The following PREX2 variants were observed in gnomAD, a reference collection of about 807,000 sequenced individuals.
The protein encoded by PREX2 is phosphatidylinositol 3,4,5-trisphosphate-dependent Rac exchanger 2 protein.
Under a neutral mutation model 203.2 loss-of-function variants are expected in PREX2, and 107 were observed. That is an observed-to-expected ratio of 0.53 (90% CI 0.45 to 0.62). PREX2 has a LOEUF of 0.62. Among genes scored for constraint, PREX2 ranks in the 20% least tolerant of loss-of-function variants. The pLI is 0.00. For synonymous variants in PREX2, 672 were observed against 663.6 expected (o/e 1.01, Z -0.19); for missense variants, 1,777 against 1,955.9 (o/e 0.91, Z 1.72).
Position 68,090,661 on chromosome 8 carries a change from T to A in PREX2, c.2196T>A (p.His732Gln). The A allele has an allele frequency of 6.2e-7, 1 of 1,613,946 alleles. No individual in the cohort carries two copies. The highest frequency in any genetic ancestry group is 8.5e-7 in the Non-Finnish European group (1 of 1,179,860). The change falls in exon 20 of 40, where the codon CAT (histidine) becomes CAA (glutamine). Residue 732 changes from histidine (H) to glutamine (Q), a missense_variant. By Grantham distance (24) the His-to-Gln change is conservative. Transcript: ENST00000288368. ...GAATCAATGTCAGCAAAGAGACACATGCCAGTGTCATTGCACACGTTACAG... is the reference window on the plus strand; with the variant it reads ...GAATCAATGTCAGCAAAGAGACACAAGCCAGTGTCATTGCACACGTTACAG... ...VNGINVSKET[H>Q]ASVIAHVTAC...
chr8:68,218,064 C>T (rs182579027), intron 38 of PREX2, among the ~76,000 whole-genome samples: 1 of 138,358 alleles, frequency 7.2e-6, no homozygotes, highest in Admixed American at 7.5e-5. Flanking sequence ...AGTGGTAAAG[C>T]TTGGGACGGA....
intron 26 of PREX2, among the ~76,000 whole-genome samples, chr8:68,116,197 G>A (rs1263563628): frequency 6.6e-6 from 1 of 152,170 alleles, no homozygotes; most frequent in African/African-American, 2.4e-5. Context: ...TCTGTATATG[G>A]ATTGTGTAAC....
intron 35 of PREX2, chr8:68,176,992 A>T (rs1811993090): frequency 6.6e-6 from 1 of 152,646 alleles, no homozygotes; most frequent in Admixed American, 6.6e-5. Context: ...ATCCAGAAGA[A>T]TGTACAGCTT....
At chr8:68,105,792 C>T (rs1810394814) in intron 23 of PREX2, 1 of 164,110 alleles carries the variant, frequency 6.1e-6, no homozygotes, top group Non-Finnish European at 1.2e-5. Flanking sequence ...TAAGATTATA[C>T]TACTACATTT....
chr8:68,162,423 C>T (rs1040560753), intron 35 of PREX2, among the ~76,000 whole-genome samples: 8 of 151,962 alleles, frequency 5.3e-5, no homozygotes, highest in African/African-American at 1.7e-4. Context: ...TTTTAACTTA[C>T]TTAGAAATGA....
intron 7 of PREX2, 104 bp downstream of exon 7, chr8:68,038,396 C>G (rs1467848518): frequency 4.2e-6 from 5 of 1,188,272 alleles, no homozygotes; most frequent in Middle Eastern, 2.0e-4. Flanking sequence ...CTACCTTTCT[C>G]TCTGTGCTTC....
chr8:68,157,656 T>A (rs1041821407), intron 35 of PREX2, among the ~76,000 whole-genome samples: 1 of 152,084 alleles, frequency 6.6e-6, no homozygotes, highest in Non-Finnish European at 1.5e-5. Context: ...TTATGCAAAT[T>A]TAAAAATTTC....
At chr8:68,197,809 A>G (rs1180970790) in intron 37 of PREX2, among the ~76,000 whole-genome samples, 1 of 148,998 alleles carries the variant, frequency 6.7e-6, no homozygotes, top group Non-Finnish European at 1.5e-5. Context: ...TGCTATATAT[A>G]TGCTACATAT....
chr8:68,016,715 C>T (rs528742674), intron 1 of PREX2, among the ~76,000 whole-genome samples: 1 of 152,228 alleles, frequency 6.6e-6, no homozygotes, highest in Non-Finnish European at 1.5e-5. Context: ...CTTCTGGGCT[C>T]AAGTGATCCT....
At chr8:68,040,159 A>G (rs960506621) in intron 7 of PREX2, among the ~76,000 whole-genome samples, 2 of 151,934 alleles carry the variant, frequency 1.3e-5, no homozygotes, top group African/African-American at 2.4e-5. Flanking sequence ...CTCCCAAGTA[A>G]TTGGCACTAT....
At chr8:68,188,408 CAACAA>C (rs1812231545) in intron 35 of PREX2, among the ~76,000 whole-genome samples, 44 of 152,060 alleles carry the variant, frequency 2.9e-4, no homozygotes, top group Admixed American at 2.9e-3. Context: ...GAAAGACAGC[CAACAA>C]AATGGACCAT....
At chr8:68,103,050 G>C in intron 23 of PREX2, 1 of 463,972 alleles carries the variant, frequency 2.2e-6, no homozygotes, top group Admixed American at 2.3e-5. Flanking sequence ...GCTTATTTTG[G>C]GTATTGGGAG....
chr8:68,025,482 T>G (rs1190670717), intron 4 of PREX2, among the ~76,000 whole-genome samples: 1 of 152,134 alleles, frequency 6.6e-6, no homozygotes, highest in Admixed American at 6.6e-5. Context: ...TGTTTATGTG[T>G]GGGGATGATT....
At position 67,952,207 on chromosome 8, in the gene PREX2, G is replaced by A. The variant is rs997958920; in HGVS notation, c.-188G>A. ...GCAGAGCCCCGCGCCCCCCGCGCCG[G>A]GATTTCAGCCCGATCCCCTCCTCTC... On this transcript the variant is annotated 5_prime_UTR_variant, in exon 1 of 40. Coordinates refer to ENST00000288368, the MANE Select transcript of PREX2 (RefSeq NM_024870.4). 8 of 447,158 alleles carry A rather than the reference G, an allele frequency of 1.8e-5. No individual in the cohort carries two copies. The highest frequency in any genetic ancestry group is 2.9e-5 in the Non-Finnish European group (8 of 278,784). The allele number at this position is 447,158 out of a possible 1,614,324, so 27.7% of individuals were successfully genotyped here. A position where few individuals can be genotyped will look rare whatever the true frequency, so the allele number is the denominator to read the frequency against.
At chr8:68,109,076 T>A in intron 24 of PREX2, 1 of 434,230 alleles carries the variant, frequency 2.3e-6, no homozygotes, top group Non-Finnish European at 4.5e-6. Context: ...AAGATGAAGG[T>A]CAAAGGATAT....
intron 10 of PREX2, among the ~76,000 whole-genome samples, chr8:68,057,844 A>G (rs1563522249): frequency 1.3e-5 from 2 of 152,218 alleles, no homozygotes; most frequent in African/African-American, 4.8e-5. Flanking sequence ...TCAGGTGTCT[A>G]GGGGAGCATA....
chr8:67,997,451 G>A (rs1806798238), intron 1 of PREX2, among the ~76,000 whole-genome samples: 1 of 152,092 alleles, frequency 6.6e-6, no homozygotes, highest in Admixed American at 6.6e-5. Context: ...GTTATACTAG[G>A]GATAAAGGGG....
At chr8:68,160,748 A>G (rs539087814) in intron 35 of PREX2, among the ~76,000 whole-genome samples, 1 of 152,312 alleles carries the variant, frequency 6.6e-6, no homozygotes, top group Admixed American at 6.5e-5. Flanking sequence ...CCAAGATTTC[A>G]AAAGGCAAAA....
chr8:68,050,755 G>T (rs1020340802), intron 8 of PREX2, among the ~76,000 whole-genome samples: 2 of 152,182 alleles, frequency 1.3e-5, no homozygotes, highest in Admixed American at 1.3e-4. Flanking sequence ...AATTGGTCAG[G>T]CCAGGCTTCA....
Sources: allele counts gnomAD v4.1 joint callset (sites outside exome capture counted in the v4.1 genomes callset), GRCh38; gene constraint gnomAD v4.1.1; transcripts MANE v1.5; gene names NCBI Gene and HGNC (gene_info 2026-07-23, HGNC 2026-07-21).